Variants in PCDHA3 observed in about 807,000 individuals in gnomAD.
The protein encoded by PCDHA3 is protocadherin alpha-3.
PCDHA3 carries 41 observed loss-of-function variants against 62.2 expected under a neutral mutation model. The ratio of observed to expected loss-of-function variants is 0.66; its 90% CI spans 0.51 to 0.86. PCDHA3 has a LOEUF of 0.86. Ranked by LOEUF, PCDHA3 falls within the 40% of genes least tolerant of loss-of-function variation. The probability of loss-of-function intolerance (pLI) is 0.00; values close to 1 mark genes in which losing one functional copy is unlikely to be tolerated. For synonymous variants in PCDHA3, 640 were observed against 555.4 expected (o/e 1.15, Z -2.14); for missense variants, 1,304 against 1,241.2 (o/e 1.05, Z -0.76).
At chr5:140,882,567 C>T (rs1554174625) in intron 1 of PCDHA3, 12 of 1,614,092 alleles carry the variant, frequency 7.4e-6, no homozygotes, top group East Asian at 2.2e-5. Context: ...GGGCGGAGCG[C>T]GGAGTGCAGC....
intron 1 of PCDHA3, chr5:140,849,852 C>G: frequency 3.8e-6 from 6 of 1,598,608 alleles, no homozygotes; most frequent in Non-Finnish European, 5.1e-6. Flanking sequence ...CGACAACGCA[C>G]CAGCGTTCGC....
intron 3 of PCDHA3, among the ~76,000 whole-genome samples, chr5:140,986,050 T>G (rs1221001446): frequency 6.6e-6 from 1 of 152,226 alleles, no homozygotes; most frequent in Non-Finnish European, 1.5e-5. Flanking sequence ...CACTGATGAA[T>G]TCTTTTGCTT....
At chr5:140,928,671 T>C in intron 1 of PCDHA3, 7 of 1,614,214 alleles carry the variant, frequency 4.3e-6, no homozygotes, top group Non-Finnish European at 5.9e-6. Context: ...GTGGTTCTAA[T>C]GCCTGGCTTT....
chr5:140,877,944 A>C (rs538675333), intron 1 of PCDHA3: 48 of 1,359,672 alleles, frequency 3.5e-5, no homozygotes, highest in Non-Finnish European at 4.6e-5. Context: ...CCTTTAAACT[A>C]TCGAATGTCT....
At chr5:140,857,196 A>G in intron 1 of PCDHA3, 1 of 1,598,586 alleles carries the variant, frequency 6.3e-7, no homozygotes, top group Non-Finnish European at 8.6e-7. Flanking sequence ...GCCAACGGAC[A>G]GGTCACCTGC....
chr5:140,858,539 T>A (rs62384480), intron 1 of PCDHA3: 78,694 of 1,399,008 alleles, frequency 0.056, 7,001 homozygotes, highest in Non-Finnish European at 0.065. Context: ...TTTGTCTACA[T>A]TCCATTTATG....
At chr5:140,936,604 G>A (rs1186463181) in intron 1 of PCDHA3, among the ~76,000 whole-genome samples, 4 of 152,116 alleles carry the variant, frequency 2.6e-5, no homozygotes, top group South Asian at 2.1e-4. Context: ...TACTTTCCTC[G>A]CTGCTACTGT....
At chr5:140,850,060 C>T (rs2150465360) in intron 1 of PCDHA3, 8 of 1,596,516 alleles carry the variant, frequency 5.0e-6, no homozygotes, top group East Asian at 4.5e-5. Flanking sequence ...GCGCTGCAGC[C>T]GTTGGACCAC....
chr5:140,931,279 C>T (rs73793526), intron 1 of PCDHA3, among the ~76,000 whole-genome samples: 2,016 of 152,088 alleles, frequency 0.013, 37 homozygotes, highest in African/African-American at 0.046. Context: ...CTTTTATTTT[C>T]ATTGCTTTCT....
At chr5:140,815,979 A>G (rs1554126949) in intron 1 of PCDHA3, 1 of 152,130 alleles carries the variant, frequency 6.6e-6, no homozygotes, top group African/African-American at 2.4e-5. Context: ...GTACGTGATG[A>G]GGCATTTTTC....
intron 1 of PCDHA3, among the ~76,000 whole-genome samples, chr5:140,924,409 T>C (rs1554201915): frequency 6.6e-6 from 1 of 152,186 alleles, no homozygotes; most frequent in Non-Finnish European, 1.5e-5. Flanking sequence ...TATATCACAG[T>C]GTGCCCTTTC....
At chr5:140,829,509 A>G in intron 1 of PCDHA3, 1 of 1,613,556 alleles carries the variant, frequency 6.2e-7, no homozygotes, top group Non-Finnish European at 8.5e-7. Flanking sequence ...CCGGGCTGCC[A>G]CATCTTCACG....
chr5:140,871,028 C>A (rs782198197), intron 1 of PCDHA3: 2 of 1,613,234 alleles, frequency 1.2e-6, no homozygotes, highest in Non-Finnish European at 1.7e-6. Context: ...GCAGACTCGC[C>A]GCGCCACCGA....
intron 2 of PCDHA3, among the ~76,000 whole-genome samples, chr5:140,981,353 C>A (rs551731316): frequency 6.6e-6 from 1 of 152,166 alleles, no homozygotes; most frequent in South Asian, 2.1e-4. Context: ...GCAGGTGGAT[C>A]ACTTGAGGTC....
intron 1 of PCDHA3, chr5:140,805,418 TTTG>T (rs1360304956): frequency 1.9e-6 from 2 of 1,064,468 alleles, no homozygotes; most frequent in African/African-American, 3.4e-5. Context: ...TGGTGGGTTT[TTTG>T]TTGTTGTTTT....
At chr5:140,877,002 G>A (rs374546473) in intron 1 of PCDHA3, 96 of 1,612,426 alleles carry the variant, frequency 6.0e-5, no homozygotes, top group Non-Finnish European at 8.0e-5. Flanking sequence ...ACGTGTCGGT[G>A]CACGCGGAGA....
At chr5:140,934,365 A>T (rs2089794268) in intron 1 of PCDHA3, among the ~76,000 whole-genome samples, 1 of 151,884 alleles carries the variant, frequency 6.6e-6, no homozygotes, top group Non-Finnish European at 1.5e-5. Context: ...CACTGCTTTG[A>T]CTCCTTCTGT....
In PCDHA3 at chr5:140,836,794, C is replaced by T. The variant is rs2150270032; in HGVS notation, c.2394+33203C>T. 8 of 1,396,752 alleles carry T rather than the reference C, an allele frequency of 5.7e-6. No individual in the cohort carries two copies. In the African/African-American group the frequency reaches 7.2e-5, roughly 13 times the overall value. The allele number at this position is 1,396,752 out of a possible 1,614,324, so 86.5% of individuals were successfully genotyped here. A position where few individuals can be genotyped will look rare whatever the true frequency, so the allele number is the denominator to read the frequency against. The stretch of plus-strand genomic sequence containing the variant: ...TTTTAAAACAATTAGTTCAATTGGT[C>T]TCCTTAAATTTTCTTTCATAATTTC... On this transcript the variant is annotated intron_variant, in intron 1 of 3. Transcript: ENST00000522353.
chr5:140,877,326 G>C (rs781931363), intron 1 of PCDHA3: 3 of 1,613,964 alleles, frequency 1.9e-6, no homozygotes. Flanking sequence ...CGGTCGGCGC[G>C]CACATCCCGT....
Sources: allele counts gnomAD v4.1 joint callset (sites outside exome capture counted in the v4.1 genomes callset), GRCh38; gene constraint gnomAD v4.1.1; transcripts MANE v1.5; gene names NCBI Gene and HGNC (gene_info 2026-07-23, HGNC 2026-07-21).